Variants in POLDIP3 observed in about 807,000 individuals in gnomAD.
POLDIP3 encodes the protein polymerase delta-interacting protein 3.
POLDIP3 carries 14 observed loss-of-function variants against 45.1 expected under a neutral mutation model. That is an observed-to-expected ratio of 0.31 (90% CI 0.20 to 0.49). The LOEUF is 0.49. POLDIP3 is among the 20% of genes least tolerant of loss of function. POLDIP3 has a pLI of 0.99. For synonymous variants in POLDIP3, 223 were observed against 205.2 expected, an observed-to-expected ratio of 1.09 and a Z score of -0.74; for missense variants, 511 against 538.8, an observed-to-expected ratio of 0.95 and a Z score of 0.51.
intron 1 of POLDIP3, among the ~76,000 whole-genome samples, chr22:42,606,624 A>G (rs1926746827): frequency 6.6e-6 from 1 of 152,198 alleles, no homozygotes; most frequent in South Asian, 2.1e-4. Context: ...CCCTGTCTCA[A>G]AAACATATTT....
At chr22:42,609,182 G>A (rs1197394056) in intron 1 of POLDIP3, among the ~76,000 whole-genome samples, 1 of 152,188 alleles carries the variant, frequency 6.6e-6, no homozygotes, top group Non-Finnish European at 1.5e-5. Flanking sequence ...TATGGCTGCA[G>A]CCTTACTCCC....
In POLDIP3 at chr22:42,587,547, G is replaced by A. The variant is rs748251792; in HGVS notation, c.1047C>T (p.His349=). The part of the protein sequence containing the change: ...LDGQPMKCNL[H]MNGNVITSDQ... The stretch of plus-strand genomic sequence containing the variant: ...CTGAGGTGATAACATTCCCATTCAT[G>A]TGAAGGTTGCACTTCATCGGCTGCC... The change falls in exon 8 of 9, where the codon CAC becomes CAT. Residue 349 remains histidine (H), a synonymous_variant. Transcript: ENST00000252115. 1 of 1,614,176 alleles carries A rather than the reference G, an allele frequency of 6.2e-7. No homozygotes were observed. The highest frequency in any genetic ancestry group is 1.1e-5 in the South Asian group (1 of 91,088).
chr22:42,603,726 C>G (rs1369402323), intron 1 of POLDIP3: 1 of 152,132 alleles, frequency 6.6e-6, no homozygotes, highest in African/African-American at 2.4e-5. Context: ...TGGCTTAGAG[C>G]TAGAGGAAAA....
chr22:42,610,499 A>G (rs1927054601), intron 1 of POLDIP3, among the ~76,000 whole-genome samples: 1 of 152,140 alleles, frequency 6.6e-6, no homozygotes. Context: ...AGGCTGCCAC[A>G]CTGAACTGCT....
intron 1 of POLDIP3, among the ~76,000 whole-genome samples, chr22:42,612,199 G>A (rs114172482): frequency 0.012 from 1,890 of 152,262 alleles, 29 homozygotes; most frequent in African/African-American, 0.042. Flanking sequence ...TGACAATAAC[G>A]AAAGCTAACG....
At chr22:42,614,159 G>A (rs528358619) in intron 1 of POLDIP3, among the ~76,000 whole-genome samples, 30 of 152,318 alleles carry the variant, frequency 2.0e-4, no homozygotes, top group African/African-American at 6.7e-4. Flanking sequence ...CCTCGGGCAA[G>A]TCACTCTACC....
At chr22:42,603,791 A>T (rs1926550548) in intron 1 of POLDIP3, 1 of 152,436 alleles carries the variant, frequency 6.6e-6, no homozygotes, top group Non-Finnish European at 1.5e-5. Context: ...TAGCAAAAAT[A>T]TCAAATACAG....
intron 3 of POLDIP3, among the ~76,000 whole-genome samples, chr22:42,600,533 G>A (rs1926291575): frequency 6.6e-6 from 1 of 152,182 alleles, no homozygotes; most frequent in South Asian, 2.1e-4. Context: ...GGCTGAGGCA[G>A]GAGAATGGTG....
chr22:42,603,388 AGTTTTATTCCTAGTTAAGAGT>A (rs66748203), intron 1 of POLDIP3, among the ~76,000 whole-genome samples: 25,902 of 152,184 alleles, frequency 0.17, 2,885 homozygotes, highest in African/African-American at 0.31. Context: ...GGGGCTGGCA[AGTTTTATTCCTAGTTAAGAGT>A]GTTTTGCTTC....
At chr22:42,595,748 G>C in intron 5 of POLDIP3, 134 bp from the exon 6 acceptor site, 1 of 742,048 alleles carries the variant, frequency 1.3e-6, no homozygotes, top group South Asian at 1.6e-5. Flanking sequence ...TGGGCCCCCT[G>C]AACTTCAGTG....
intron 7 of POLDIP3, 128 bp from the exon 8 acceptor site, chr22:42,587,700 G>A: frequency 1.2e-6 from 1 of 856,060 alleles, no homozygotes; most frequent in African/African-American, 1.7e-5. Context: ...TCCACAGATG[G>A]AGATGGGGCT....
chr22:42,608,374 G>GATCACACC (rs1926907153), intron 1 of POLDIP3, among the ~76,000 whole-genome samples: 1 of 150,448 alleles, frequency 6.6e-6, no homozygotes, highest in East Asian at 2.0e-4. Flanking sequence ...AGTGAGCCAA[G>GATCACACC]ATCACACCAC....
intron 1 of POLDIP3, among the ~76,000 whole-genome samples, chr22:42,607,155 A>G (rs1256634807): frequency 6.6e-6 from 1 of 152,098 alleles, no homozygotes; most frequent in Non-Finnish European, 1.5e-5. Context: ...TTTCCCTCTG[A>G]TGCCGAGCCG....
intron 1 of POLDIP3, among the ~76,000 whole-genome samples, chr22:42,610,317 C>T (rs1927042618): frequency 6.6e-6 from 1 of 152,088 alleles, no homozygotes. Context: ...TTTCCTTTAT[C>T]TTATTTCAAC....
In POLDIP3 at chr22:42,611,715, A is replaced by T. The variant is rs1305371785; in HGVS notation, c.59+3084T>A. On this transcript the variant is annotated intron_variant, in intron 1 of 8. Coordinates refer to ENST00000252115, the MANE Select transcript of POLDIP3 (RefSeq NM_032311.5). ...CATGGTGAAACCCCACCTCTACTAA[A>T]AATACAAAAAAATTAACCAGGCGTG... Among the ~76,000 whole-genome samples, 2 of 152,088 alleles carry T rather than the reference A, an allele frequency of 1.3e-5. 1 individual carries two copies. The highest frequency in any genetic ancestry group is 4.8e-5 in the African/African-American group (2 of 41,408).
chr22:42,601,357 G>GAAA (rs1220749076), intron 3 of POLDIP3, among the ~76,000 whole-genome samples: 1 of 67,962 alleles, frequency 1.5e-5, no homozygotes, highest in African/African-American at 5.5e-5. Context: ...CCAGAAAAAG[G>GAAA]AAAAAAAAAC....
chr22:42,597,897 A>G (rs1329370719), intron 4 of POLDIP3, among the ~76,000 whole-genome samples: 1 of 148,180 alleles, frequency 6.7e-6, no homozygotes, highest in African/African-American at 2.5e-5. Context: ...CTCCTGCCTC[A>G]GCCTCCCGAG....
chr22:42,605,239 T>C (rs1203639971), intron 1 of POLDIP3, among the ~76,000 whole-genome samples: 1 of 152,246 alleles, frequency 6.6e-6, no homozygotes, highest in Admixed American at 6.5e-5. Flanking sequence ...GCCATTCTCC[T>C]GCGCCAGCCT....
intron 1 of POLDIP3, among the ~76,000 whole-genome samples, chr22:42,611,646 G>A (rs554787216): frequency 2.0e-5 from 3 of 152,276 alleles, no homozygotes; most frequent in East Asian, 1.9e-4. Context: ...AGGCTGAGAC[G>A]GGTGGATCGT....
Sources: gnomAD v4.1 joint callset for allele counts (sites outside exome capture counted in the v4.1 genomes callset) on GRCh38, gnomAD v4.1.1 for gene constraint, MANE v1.5 for transcripts, NCBI Gene and HGNC (gene_info 2026-07-23, HGNC 2026-07-21) for gene names.